The following ARHGAP10 variants were observed in gnomAD, a reference collection of about 807,000 sequenced individuals.
ARHGAP10 encodes the protein rho GTPase-activating protein 10.
A neutral mutation model predicts 108.6 loss-of-function variants in ARHGAP10; 87 were observed. The ratio of observed to expected loss-of-function variants is 0.80; its 90% confidence interval spans 0.67 to 0.96. ARHGAP10 has a LOEUF of 0.96. Ranked by LOEUF, ARHGAP10 falls within the 40% of genes least tolerant of loss-of-function variation. ARHGAP10 has a pLI of 0.00. For synonymous variants in ARHGAP10, 347 were observed against 341.1 expected (o/e 1.02, Z -0.19); for missense variants, 939 against 954.5 (o/e 0.98, Z 0.21).
chr4:148,028,520 C>T (rs1006868082), intron 19 of ARHGAP10, among the ~76,000 whole-genome samples: 6 of 152,174 alleles, frequency 3.9e-5, no homozygotes, highest in Admixed American at 6.5e-5. Flanking sequence ...TTTAGCCTAA[C>T]GTCTGGCACA....
chr4:147,914,712 T>C (rs1736892914), intron 13 of ARHGAP10, among the ~76,000 whole-genome samples: 5 of 152,246 alleles, frequency 3.3e-5, no homozygotes, highest in Admixed American at 2.6e-4. Context: ...GTTTATTGCC[T>C]GGTAGTATTC....
intron 9 of ARHGAP10, among the ~76,000 whole-genome samples, chr4:147,880,891 G>C (rs1471929809): frequency 2.8e-5 from 2 of 70,908 alleles, no homozygotes; most frequent in Admixed American, 1.9e-4. Flanking sequence ...CATGTGGTAA[G>C]AAATAAATTT....
intron 13 of ARHGAP10, among the ~76,000 whole-genome samples, chr4:147,932,028 C>T (rs1408029585): frequency 6.6e-6 from 1 of 152,010 alleles, no homozygotes; most frequent in Admixed American, 6.6e-5. Flanking sequence ...CTTCTCAAGA[C>T]AAGACATACA....
intron 18 of ARHGAP10, among the ~76,000 whole-genome samples, chr4:147,992,039 G>T (rs187697820): frequency 6.4e-4 from 98 of 152,294 alleles, no homozygotes; most frequent in Middle Eastern, 3.4e-3. Flanking sequence ...TGGCCATTAC[G>T]GGTTAAGGAA....
At chr4:148,067,958 C>T (rs1729970872) in intron 22 of ARHGAP10, among the ~76,000 whole-genome samples, 2 of 152,194 alleles carry the variant, frequency 1.3e-5, no homozygotes, top group African/African-American at 4.8e-5. Context: ...CTAGCTGTTT[C>T]TCTGGGGCTA....
chr4:147,751,786 A>G (rs961365188), intron 1 of ARHGAP10, among the ~76,000 whole-genome samples: 1 of 152,116 alleles, frequency 6.6e-6, no homozygotes, highest in East Asian at 1.9e-4. Context: ...CCATTTTGCA[A>G]TTTAAGAACG....
At chr4:147,924,498 G>A (rs919414258) in intron 13 of ARHGAP10, among the ~76,000 whole-genome samples, 1 of 152,168 alleles carries the variant, frequency 6.6e-6, no homozygotes, top group Non-Finnish European at 1.5e-5. Context: ...TGTATTTGGG[G>A]TTGGAGGTTG....
At chr4:147,939,925 C>A (rs750844954) in intron 14 of ARHGAP10, 26 bp downstream of exon 14, 1 of 1,584,158 alleles carries the variant, frequency 6.3e-7, no homozygotes, top group East Asian at 2.2e-5. Flanking sequence ...AATCATTTTT[C>A]CATGTGTTAT....
intron 4 of ARHGAP10, among the ~76,000 whole-genome samples, chr4:147,847,435 G>T (rs528555687): frequency 6.5e-4 from 99 of 152,222 alleles, no homozygotes; most frequent in South Asian, 1.2e-3. Context: ...AATCTTCTTG[G>T]GCTACACCTT....
chr4:147,732,840 A>C (rs1472490146), intron 1 of ARHGAP10, among the ~76,000 whole-genome samples: 1 of 152,192 alleles, frequency 6.6e-6, no homozygotes, highest in Non-Finnish European at 1.5e-5. Flanking sequence ...TACAAAACCG[A>C]GGCATCTGTT....
intron 1 of ARHGAP10, among the ~76,000 whole-genome samples, chr4:147,778,623 C>T (rs187801249): frequency 2.4e-4 from 36 of 152,276 alleles, no homozygotes; most frequent in African/African-American, 8.2e-4. Flanking sequence ...AGAAGCTGCT[C>T]ATAGGGGTGT....
At chr4:147,811,221 G>C (rs1033492307) in intron 1 of ARHGAP10, among the ~76,000 whole-genome samples, 1 of 152,212 alleles carries the variant, frequency 6.6e-6, no homozygotes, top group East Asian at 1.9e-4. Flanking sequence ...TGGTAAGTGC[G>C]GGCCCCAGGC....
intron 18 of ARHGAP10, among the ~76,000 whole-genome samples, chr4:147,982,054 A>G (rs1739828401): frequency 1.3e-5 from 2 of 152,072 alleles, no homozygotes; most frequent in South Asian, 2.1e-4. Flanking sequence ...TCTTTTTTCA[A>G]AAGACAGGGT....
At chr4:147,975,892 C>A (rs1213757016) in intron 18 of ARHGAP10, among the ~76,000 whole-genome samples, 1 of 152,084 alleles carries the variant, frequency 6.6e-6, no homozygotes, top group East Asian at 1.9e-4. Flanking sequence ...TCTTGTTAAC[C>A]CTGCAACCAA....
At chr4:147,856,558 A>C (rs1734089226) in intron 4 of ARHGAP10, among the ~76,000 whole-genome samples, 1 of 152,250 alleles carries the variant, frequency 6.6e-6, no homozygotes. Flanking sequence ...TTTCATGTAC[A>C]AAATTATTAA....
At chr4:147,854,723 C>T in intron 4 of ARHGAP10, 1 of 984,302 alleles carries the variant, frequency 1.0e-6, no homozygotes, top group African/African-American at 1.7e-5. Flanking sequence ...TCTATAATGA[C>T]ATTAAGAACA....
intron 1 of ARHGAP10, among the ~76,000 whole-genome samples, chr4:147,741,764 CT>C (rs1728663606): frequency 7.2e-6 from 1 of 139,296 alleles, no homozygotes; most frequent in Non-Finnish European, 1.5e-5. Context: ...ATATCGTTCT[CT>C]TTACACACAC....
Position 147,732,338 on chromosome 4 carries a change from C to A in ARHGAP10, c.37C>A (p.Leu13Ile), listed in dbSNP as rs768263847. The change falls in exon 1 of 23, where the codon CTC (leucine) becomes ATC (isoleucine). Residue 13 changes from leucine (L) to isoleucine (I), a missense_variant. Coordinates refer to ENST00000336498, the MANE Select transcript of ARHGAP10 (RefSeq NM_024605.4). ...LQPLEFSDCY[L>I]DSPWFRERIR... ...GCCCCTGGAGTTCAGCGACTGCTACCTCGACAGCCCGTGGTTCCGGGAGAG... is the reference window on the plus strand; with the variant it reads ...GCCCCTGGAGTTCAGCGACTGCTACATCGACAGCCCGTGGTTCCGGGAGAG... 9.3e-6 allele frequency: 15 copies of A among 1,613,166 alleles called. 1 individual carries two copies. The South Asian group carries it at 1.6e-4, about 18-fold the overall frequency.
chr4:147,842,288 C>A (rs185746879), intron 3 of ARHGAP10, among the ~76,000 whole-genome samples: 1 of 152,040 alleles, frequency 6.6e-6, no homozygotes, highest in African/African-American at 2.4e-5. Flanking sequence ...GGGGCTCAGA[C>A]GGATATTGCA....
Sources: gnomAD v4.1 joint callset for allele counts (sites outside exome capture counted in the v4.1 genomes callset) on GRCh38, gnomAD v4.1.1 for gene constraint, MANE v1.5 for transcripts, NCBI Gene and HGNC (gene_info 2026-07-23, HGNC 2026-07-21) for gene names.